SEC24A: variants seen among roughly 807,000 people sequenced by gnomAD.
The protein encoded by SEC24A is protein transport protein Sec24A.
A neutral mutation model predicts 129.4 loss-of-function variants in SEC24A; 93 were observed. The ratio of observed to expected loss-of-function variants is 0.72; its 90% CI spans 0.61 to 0.85. The LOEUF is 0.85. Ranked by LOEUF, SEC24A falls within the 40% of genes least tolerant of loss-of-function variation. SEC24A has a pLI of 0.00. For missense variants in SEC24A, 1,264 were observed against 1,307.4 expected, an observed-to-expected ratio of 0.97 and a Z score of 0.51; for synonymous variants, 460 against 467.3, an observed-to-expected ratio of 0.98 and a Z score of 0.20.
chr5:134,699,902 T>C (rs1751951241), intron 15 of SEC24A, among the ~76,000 whole-genome samples: 1 of 151,974 alleles, frequency 6.6e-6, no homozygotes. Flanking sequence ...GGTTTTGCCA[T>C]GTTGGCCAGG....
In SEC24A at chr5:134,727,453, ATTT is replaced by A. The variant is rs1752781716; in HGVS notation, c.*2361_*2363del. 1 of 152,552 alleles carries A rather than the reference ATTT, an allele frequency of 6.6e-6. No homozygotes were observed. Among genetic ancestry groups the A allele is most frequent in the Non-Finnish European group, 1.5e-5 (1 of 68,002 alleles). The allele number at this position is 152,552 out of a possible 1,614,324, so 9.4% of individuals were successfully genotyped here. The stretch of plus-strand genomic sequence containing the variant: ...AATAGTCACTCAAGCAGTACCATTT[ATTT>A]TAGTTTGCATATATTTTCACTGTTT... On this transcript the variant is annotated 3_prime_UTR_variant, in exon 23 of 23. Transcript: ENST00000398844.
intron 2 of SEC24A, among the ~76,000 whole-genome samples, chr5:134,664,589 A>G (rs894212663): frequency 4.0e-4 from 61 of 152,044 alleles, no homozygotes; most frequent in African/African-American, 1.1e-3. Context: ...GGCCAGATGT[A>G]TTTTACATTC....
chr5:134,723,903 T>C (rs1337868745), intron 22 of SEC24A, among the ~76,000 whole-genome samples: 1 of 152,228 alleles, frequency 6.6e-6, no homozygotes, highest in Admixed American at 6.5e-5. Context: ...CATGTATACA[T>C]TGTGGAATGA....
chr5:134,681,651 A>G (rs1469810653), intron 8 of SEC24A, among the ~76,000 whole-genome samples: 2 of 152,130 alleles, frequency 1.3e-5, no homozygotes, highest in Non-Finnish European at 2.9e-5. Flanking sequence ...AAACCAGGCT[A>G]TTTCCTGAAC....
At chr5:134,667,401 A>G (rs1036100970) in intron 3 of SEC24A, among the ~76,000 whole-genome samples, 1 of 152,106 alleles carries the variant, frequency 6.6e-6, no homozygotes, top group Non-Finnish European at 1.5e-5. Flanking sequence ...CTGTAATCCC[A>G]GCACTTTGGG....
chr5:134,666,837 C>G lies in SEC24A; in HGVS notation c.580C>G (p.Pro194Ala). Residue 194 changes from proline (P) to alanine (A), a missense_variant, in exon 3 of 23, where the codon CCC (proline) becomes GCC (alanine). Coordinates refer to ENST00000398844, the MANE Select transcript of SEC24A (RefSeq NM_021982.3). ...TGTTTCCATAGGTCCTTCTGTACCT[C>G]CCTTAGTGAATCCACCTCTGCCTAC... ...SFIKSGPSVP[P>A]LVNPPLPTTF... 1 of 1,614,076 alleles carries G rather than the reference C, an allele frequency of 6.2e-7. No individual in the cohort carries two copies. The highest frequency in any genetic ancestry group is 1.3e-5 in the African/African-American group (1 of 75,016).
chr5:134,653,026 C>T (rs377643119), intron 1 of SEC24A, among the ~76,000 whole-genome samples: 185 of 150,974 alleles, frequency 1.2e-3, no homozygotes, highest in African/African-American at 4.2e-3. Context: ...AGGATGGTCT[C>T]AATCTCCTGA....
At chr5:134,650,620 CTGA>C (rs1750015726) in intron 1 of SEC24A, among the ~76,000 whole-genome samples, 1 of 151,610 alleles carries the variant, frequency 6.6e-6, no homozygotes, top group African/African-American at 2.4e-5. Context: ...ACTGCAACCT[CTGA>C]TTCCTGGGTT....
At chr5:134,667,084 C>A in intron 3 of SEC24A, 88 bp downstream of exon 3, 2 of 1,168,862 alleles carry the variant, frequency 1.7e-6, no homozygotes, top group Non-Finnish European at 2.3e-6. Flanking sequence ...GCATTAAAAT[C>A]ACATTTTTTC....
chr5:134,692,425 C>T (rs988978590), intron 11 of SEC24A, among the ~76,000 whole-genome samples, 177 bp from the exon 12 acceptor site: 1 of 152,012 alleles, frequency 6.6e-6, no homozygotes, highest in Non-Finnish European at 1.5e-5. Context: ...CAGTAGATAC[C>T]TGTATCATTG....
chr5:134,698,981 A>G (rs1354875234), intron 15 of SEC24A, among the ~76,000 whole-genome samples: 1 of 152,122 alleles, frequency 6.6e-6, no homozygotes, highest in Non-Finnish European at 1.5e-5. Flanking sequence ...GCTGGAGTGC[A>G]GTGGTGCAAT....
chr5:134,694,649 C>T (rs541453169), intron 13 of SEC24A, among the ~76,000 whole-genome samples: 9 of 146,892 alleles, frequency 6.1e-5, no homozygotes, highest in African/African-American at 1.0e-4. Context: ...AGCGAGACTC[C>T]GTCTCAAAAA....
At chr5:134,674,963 C>T (rs1414032377) in intron 5 of SEC24A, 82 bp from the exon 6 acceptor site, 1 of 1,266,388 alleles carries the variant, frequency 7.9e-7, no homozygotes, top group Non-Finnish European at 1.1e-6. Context: ...ATCTAGATTA[C>T]ACTTTTGTTA....
At chr5:134,699,184 C>T (rs1023122331) in intron 15 of SEC24A, among the ~76,000 whole-genome samples, 1 of 152,138 alleles carries the variant, frequency 6.6e-6, no homozygotes. Flanking sequence ...CCTGCCTTAG[C>T]CTCCCAAAGT....
intron 8 of SEC24A, among the ~76,000 whole-genome samples, 186 bp from the exon 9 acceptor site, chr5:134,682,187 G>A (rs555053980): frequency 6.6e-6 from 1 of 151,776 alleles, no homozygotes; most frequent in Non-Finnish European, 1.5e-5. Flanking sequence ...AGGTTGCAGT[G>A]AGCTGACATT....
At chr5:134,688,134 G>C in intron 10 of SEC24A, 47 bp from the exon 11 acceptor site, 2 of 1,011,082 alleles carry the variant, frequency 2.0e-6, no homozygotes, top group South Asian at 1.3e-5. Flanking sequence ...ATGTGTATTT[G>C]TATGTGGTTA....
chr5:134,651,590 C>G (rs963881698), intron 1 of SEC24A, among the ~76,000 whole-genome samples: 1 of 151,688 alleles, frequency 6.6e-6, no homozygotes, highest in Middle Eastern at 3.4e-3. Flanking sequence ...GCCACCACGC[C>G]CGGCCTAATG....
At chr5:134,662,204 G>C (rs1750492204) in intron 2 of SEC24A, among the ~76,000 whole-genome samples, 1 of 151,704 alleles carries the variant, frequency 6.6e-6, no homozygotes. Context: ...GCCCAGGCTG[G>C]AGTGCAGTGG....
rs998438006 is a variant in SEC24A at position 134,718,112 on chromosome 5, T to C, written c.2909T>C (p.Ile970Thr). 6 of 1,614,116 alleles carry C rather than the reference T, an allele frequency of 3.7e-6. No individual in the cohort carries two copies. The highest frequency in any genetic ancestry group is 5.1e-6 in the Non-Finnish European group (6 of 1,179,990). ...ISDRTIPQPPILQLSVEKLSR... is the reference protein window; with the variant it reads ...ISDRTIPQPPTLQLSVEKLSR... ...GATAGAACCATACCTCAGCCCCCCATTCTTCAGCTTTCAGTGGAGAAGCTG... is the reference window on the plus strand; with the variant it reads ...GATAGAACCATACCTCAGCCCCCCACTCTTCAGCTTTCAGTGGAGAAGCTG... The change falls in exon 20 of 23, where the codon ATT (isoleucine) becomes ACT (threonine). Residue 970 changes from isoleucine to threonine, a missense_variant. Transcript: ENST00000398844.
Sources: gnomAD v4.1 joint callset for allele counts (sites outside exome capture counted in the v4.1 genomes callset) on GRCh38, gnomAD v4.1.1 for gene constraint, MANE v1.5 for transcripts, NCBI Gene and HGNC (gene_info 2026-07-23, HGNC 2026-07-21) for gene names.